The following ELOC variants were observed in gnomAD, a reference collection of about 807,000 sequenced individuals.
ELOC encodes elongin C.
For missense variants in ELOC, 38 were observed against 139.0 expected (o/e 0.27, Z 3.65); for synonymous variants, 40 against 51.3 (o/e 0.78, Z 0.94).
intron 3 of ELOC, 133 bp from the exon 4 acceptor site, chr8:73,946,953 G>T: frequency 1.5e-6 from 1 of 671,404 alleles, no homozygotes; most frequent in Non-Finnish European, 2.4e-6. Context: ...GTAATTAAAA[G>T]AGGTCATTAG....
At chr8:73,954,489 A>C (rs1814006812) in intron 3 of ELOC, among the ~76,000 whole-genome samples, 2 of 151,886 alleles carry the variant, frequency 1.3e-5, no homozygotes, top group Admixed American at 1.3e-4. Flanking sequence ...CCCCGTCTCT[A>C]CTAAAAGTAC....
At chr8:73,958,397 G>C (rs2131130220) in intron 2 of ELOC, among the ~76,000 whole-genome samples, 1 of 152,184 alleles carries the variant, frequency 6.6e-6, no homozygotes, top group South Asian at 2.1e-4. Flanking sequence ...ACCCAGCCAG[G>C]ACCCTAAGAA....
Position 73,946,738 on chromosome 8 carries a change from A to C in ELOC, c.231T>G (p.Phe77Leu). The change falls in exon 4 of 4, where the codon TTT becomes TTG. Residue 77 changes from phenylalanine to leucine, a missense_variant. Phe to Leu is a conservative substitution (Grantham distance 22, BLOSUM62 0). Transcript: ENST00000520242. ...SHVLSKVCMY[F>L]TYKVRYTNSS... ...TGTTAGTGTAGCGAACCTTGTACGT[A>C]AAATACATGCATACTTTCGATAGCA... 1 of 1,614,078 alleles carries C rather than the reference A, an allele frequency of 6.2e-7. No individual in the cohort carries two copies. The highest frequency in any genetic ancestry group is 8.5e-7 in the Non-Finnish European group (1 of 1,179,978).
chr8:73,971,090 G>A (rs1179728999), intron 1 of ELOC, among the ~76,000 whole-genome samples: 1 of 146,004 alleles, frequency 6.8e-6, no homozygotes, highest in Non-Finnish European at 1.5e-5. Context: ...TAAAAAGTGA[G>A]AAAGTGAGGT....
rs576555995 is a variant in ELOC at position 73,950,170 on chromosome 8, T to C, written c.149-3350A>G. Among the ~76,000 whole-genome samples, 11 of 152,280 alleles carry C rather than the reference T, an allele frequency of 7.2e-5. No homozygotes were observed. In the South Asian group the frequency reaches 1.9e-3, roughly 26 times the overall value. On this transcript the variant is annotated intron_variant, in intron 3 of 3. Coordinates refer to ENST00000520242, the MANE Select transcript of ELOC (RefSeq NM_005648.4). ...GCCTAAGAAATCTTATTACAGAAAG[T>C]AGTATAACTATTCAAGACTAACGGA...
intron 2 of ELOC, among the ~76,000 whole-genome samples, chr8:73,958,111 T>TA (rs1288139512): frequency 2.8e-5 from 4 of 143,254 alleles, no homozygotes; most frequent in Non-Finnish European, 4.6e-5. Context: ...TTTTTTTTTT[T>TA]AAGAGACAGG....
chr8:73,954,794 G>A lies in ELOC; in HGVS notation c.148+1117C>T, dbSNP rs867855134. ...CACCTATAATCCCTGCACTTTGGGA[G>A]GCTGAGGCGGGTGCACTGCCTGAGG... On this transcript the variant is annotated intron_variant, in intron 3 of 3. Transcript: ENST00000520242. 2.4e-4 allele frequency among the ~76,000 whole-genome samples: 36 copies of A among 152,086 alleles called. No homozygotes were observed. In the South Asian group the frequency reaches 5.4e-3, roughly 23 times the overall value.
At chr8:73,965,031 C>T (rs868104584) in intron 1 of ELOC, among the ~76,000 whole-genome samples, 1 of 20,912 alleles carries the variant, frequency 4.8e-5, no homozygotes, top group African/African-American at 2.0e-4. Context: ...GTCTCAAAAA[C>T]AAACCAAAAA....
intron 2 of ELOC, among the ~76,000 whole-genome samples, chr8:73,959,067 A>G (rs376245779): frequency 2.6e-5 from 4 of 152,202 alleles, no homozygotes; most frequent in East Asian, 1.9e-4. Context: ...ATAGCATAAA[A>G]GAGTTAAAAA....
chr8:73,951,390 A>G lies in ELOC; in HGVS notation c.148+4521T>C, dbSNP rs191369280. On this transcript the variant is annotated intron_variant, in intron 3 of 3. Coordinates refer to ENST00000520242, the MANE Select transcript of ELOC (RefSeq NM_005648.4). ...AAAAACATAGAAGAATTGTGGCCAC[A>G]CACAGTGGCTCACACCTGTAACCCC... Among the ~76,000 whole-genome samples the G allele has an allele frequency of 4.4e-3, 668 of 151,782 alleles. 1 individual carries two copies. The highest frequency in any genetic ancestry group is 0.015 in the African/African-American group (615 of 41,368).
intron 2 of ELOC, among the ~76,000 whole-genome samples, chr8:73,959,261 A>G (rs1195976437): frequency 6.6e-6 from 1 of 152,152 alleles, no homozygotes; most frequent in African/African-American, 2.4e-5. Flanking sequence ...GCTGGAGCGC[A>G]GTCGTGCAAT....
intron 3 of ELOC, among the ~76,000 whole-genome samples, chr8:73,947,570 C>G (rs139854799): frequency 5.5e-4 from 83 of 151,992 alleles, no homozygotes; most frequent in African/African-American, 1.8e-3. Context: ...TTAGTATTAA[C>G]CTAAGTTTTT....
At chr8:73,951,679 CAA>C (rs748780800) in intron 3 of ELOC, among the ~76,000 whole-genome samples, 1 of 147,978 alleles carries the variant, frequency 6.8e-6, no homozygotes, top group Non-Finnish European at 1.5e-5. Context: ...ACAACAACAA[CAA>C]AACAACAGAC....
At chr8:73,963,099 GC>G (rs1814716919) in intron 1 of ELOC, among the ~76,000 whole-genome samples, 1 of 152,156 alleles carries the variant, frequency 6.6e-6, no homozygotes, top group South Asian at 2.1e-4. Context: ...ATGAACAATG[GC>G]CTGAGACGTC....
Position 73,960,378 on chromosome 8 carries a change from C to T in ELOC, c.-50-560G>A, listed in dbSNP as rs1194505826. 2.6e-5 allele frequency among the ~76,000 whole-genome samples: 4 copies of T among 152,114 alleles called. No homozygotes were observed. The East Asian group carries it at 5.8e-4, about 22-fold the overall frequency. On this transcript the variant is annotated intron_variant, in intron 1 of 3. Transcript: ENST00000520242. ...TTGGAATTTCCCTAGTGATACAAGT[C>T]CTTGCTATTCTTCATGGGTCCTGGT...
At chr8:73,954,589 T>C (rs532179484) in intron 3 of ELOC, among the ~76,000 whole-genome samples, 12 of 150,550 alleles carry the variant, frequency 8.0e-5, no homozygotes, top group Non-Finnish European at 1.6e-4. Flanking sequence ...GAGGCGAAGG[T>C]TGCAGTGAGC....
In ELOC at chr8:73,945,784, G is replaced by T. The variant is rs1164081394; in HGVS notation, c.*846C>A. 1.3e-5 allele frequency: 2 copies of T among 152,130 alleles called. No homozygotes were observed. Among genetic ancestry groups the T allele is most frequent in the African/African-American group, 4.8e-5 (2 of 41,414 alleles). 9.4% of individuals were successfully genotyped at this position (152,130 alleles called of 1,614,324 possible). ...AGAAAGACTGGAATAGTTCAAAAAG[G>T]TGTAGCTTTTAAGATCTGAATAAAG... On this transcript the variant is annotated 3_prime_UTR_variant, in exon 4 of 4. Transcript: ENST00000520242.
intron 1 of ELOC, chr8:73,971,739 G>C (rs1007999003): frequency 6.6e-6 from 1 of 152,114 alleles, no homozygotes; most frequent in African/African-American, 2.4e-5. Context: ...AATCTGAGCG[G>C]ACACGAGGAA....
At chr8:73,958,203 T>C (rs1814340237) in intron 2 of ELOC, among the ~76,000 whole-genome samples, 1 of 151,284 alleles carries the variant, frequency 6.6e-6, no homozygotes, top group East Asian at 2.0e-4. Context: ...TCGAGATCCT[T>C]TGGCCTCAGC....
Sources: allele counts gnomAD v4.1 joint callset (sites outside exome capture counted in the v4.1 genomes callset), GRCh38; gene constraint gnomAD v4.1.1; transcripts MANE v1.5; gene names NCBI Gene and HGNC (gene_info 2026-07-23, HGNC 2026-07-21).